The following THSD1 variants were observed in gnomAD, a reference collection of about 807,000 sequenced individuals.
THSD1 encodes the protein thrombospondin type-1 domain-containing protein 1.
A neutral mutation model predicts 46.3 loss-of-function variants in THSD1; 34 were observed. The observed-to-expected ratio is 0.74, with a 90% CI of 0.56 to 0.98. THSD1 has a LOEUF of 0.98. Among genes scored for constraint, THSD1 ranks in the 50% least tolerant of loss-of-function variants. The probability of loss-of-function intolerance (pLI) is 0.00; values close to 1 mark genes in which losing one functional copy is unlikely to be tolerated. For missense variants in THSD1, 1,023 were observed against 1,058.3 expected (o/e 0.97, Z 0.46); for synonymous variants, 407 against 416.5 (o/e 0.98, Z 0.28).
intron 1 of THSD1, among the ~76,000 whole-genome samples, chr13:52,403,230 T>TA (rs539511489): frequency 2.0e-5 from 3 of 152,058 alleles, no homozygotes; most frequent in South Asian, 4.2e-4. Flanking sequence ...AAAGCTTTTT[T>TA]AAAAAAAAGA....
chr13:52,395,693 T>C (rs1405240127), intron 3 of THSD1, among the ~76,000 whole-genome samples: 1 of 150,966 alleles, frequency 6.6e-6, no homozygotes, highest in Non-Finnish European at 1.5e-5. Flanking sequence ...AGCAGGGAGG[T>C]GGGAGGTGAG....
intron 3 of THSD1, among the ~76,000 whole-genome samples, chr13:52,390,934 G>A (rs1318963009): frequency 2.0e-5 from 3 of 151,950 alleles, no homozygotes; most frequent in Non-Finnish European, 4.4e-5. Flanking sequence ...ATTTAAAAAA[G>A]TATATTTGTT....
Position 52,386,183 on chromosome 13 carries a change from G to A in THSD1, c.1025C>T (p.Thr342Ile). The A allele has an allele frequency of 6.2e-7, 1 of 1,613,926 alleles. No individual in the cohort carries two copies. The highest frequency in any genetic ancestry group is 1.3e-5 in the African/African-American group (1 of 75,018). The change falls in exon 4 of 5, where the codon ACT becomes ATT. Residue 342 changes from threonine to isoleucine, a missense_variant. Transcript: ENST00000258613. ...ECMLIQRNTE[T>I]WGLWQPWSQC... is the part of the protein sequence containing the mutation. ...GCTCCATGGCTGCCACAGTCCCCAA[G>A]TTTCTGCAAGGATATAAGTTATGCT...
intron 4 of THSD1, among the ~76,000 whole-genome samples, chr13:52,385,650 G>T (rs2137730195): frequency 6.6e-6 from 1 of 152,072 alleles, no homozygotes; most frequent in African/African-American, 2.4e-5. Context: ...AAAAATTAAG[G>T]AAAACTGTTT....
At chr13:52,403,657 A>G (rs934985761) in intron 1 of THSD1, among the ~76,000 whole-genome samples, 2 of 151,914 alleles carry the variant, frequency 1.3e-5, no homozygotes, top group African/African-American at 4.8e-5. Context: ...AATTTTTGGT[A>G]TTTTTAGTAG....
In THSD1 at chr13:52,378,102, G is replaced by A. The variant is rs1957652642; in HGVS notation, c.1868C>T (p.Thr623Ile). 6.2e-7 allele frequency: 1 copy of A among 1,614,228 alleles called. No homozygotes were observed. The highest frequency in any genetic ancestry group is 8.5e-7 in the Non-Finnish European group (1 of 1,180,044). ...QASCAISPSQ[T>I]LIRKSQARHV... ...CCTTGCCTGTGACTTGCGGATCAGA[G>A]TCTGGCTGGGGCTTATGGCACAACT... The change falls in exon 5 of 5, where the codon ACT (threonine) becomes ATT (isoleucine). Residue 623 changes from threonine (T) to isoleucine (I), a missense_variant. By Grantham distance (89) the Thr-to-Ile change is moderately conservative (BLOSUM62 -1). Around this residue, in one of 3 missense-constraint regions of THSD1, gnomAD observed 578 missense variants for 497.4 expected, o/e 1.16. Transcript: ENST00000258613.
In THSD1 at chr13:52,388,234, A is replaced by G. The variant is rs56116089; in HGVS notation, c.1022-2048T>C. 7.0e-3 allele frequency among the ~76,000 whole-genome samples: 1,071 copies of G among 151,928 alleles called. 13 individuals are homozygous for G. Among genetic ancestry groups the G allele is most frequent in the African/African-American group, 0.025 (1,029 of 41,498 alleles). ...TATTTCAAAAATAAAGGAGAAATAA[A>G]GACTTTTTCAGAAAAACAAAAATGG... On this transcript the variant is annotated intron_variant, in intron 3 of 4. Transcript: ENST00000258613.
intron 4 of THSD1, 78 bp downstream of exon 4, chr13:52,385,950 C>G: frequency 7.2e-7 from 1 of 1,392,708 alleles, no homozygotes; most frequent in Non-Finnish European, 9.9e-7. Flanking sequence ...ACTGGTAACT[C>G]TCAGGCAGGC....
At chr13:52,398,918 C>A (rs769453215) in intron 2 of THSD1, among the ~76,000 whole-genome samples, 1 of 152,008 alleles carries the variant, frequency 6.6e-6, no homozygotes, top group Admixed American at 6.6e-5. Context: ...AATGTAAGAC[C>A]CTAAATTTAT....
intron 1 of THSD1, among the ~76,000 whole-genome samples, chr13:52,405,074 A>T (rs1309017388): frequency 6.6e-6 from 1 of 152,236 alleles, no homozygotes; most frequent in African/African-American, 2.4e-5. Context: ...GTTTGCATTG[A>T]GAATTGTTCT....
Position 52,397,783 on chromosome 13 carries a change from G to A in THSD1, c.470C>T (p.Pro157Leu), listed in dbSNP as rs377383416. Residue 157 changes from proline to leucine, a missense_variant, in exon 3 of 5, where the codon CCG becomes CTG. Pro to Leu is a moderately conservative substitution (Grantham distance 98). Coordinates refer to ENST00000258613, the MANE Select transcript of THSD1 (RefSeq NM_018676.4). ...VGLFTSQPLCPFPVDKPNIVV... is the reference protein window; with the variant it reads ...VGLFTSQPLCLFPVDKPNIVV... ...GATGTTGGGCTTGTCCACAGGAAAC[G>A]GGCACAGTGGTTGACTGGTAAATAG... 4.3e-6 allele frequency: 7 copies of A among 1,614,094 alleles called. No individual in the cohort carries two copies. The highest frequency in any genetic ancestry group is 3.3e-5 in the Admixed American group (2 of 60,012).
At position 52,397,528 on chromosome 13, in the gene THSD1, T is replaced by C. The variant is rs1315050783; in HGVS notation, c.725A>G (p.Tyr242Cys). 3.7e-6 allele frequency: 6 copies of C among 1,614,132 alleles called. No individual in the cohort carries two copies. The highest frequency in any genetic ancestry group is 5.1e-6 in the Non-Finnish European group (6 of 1,180,028). Residue 242 changes from tyrosine (Y) to cysteine (C), a missense_variant, in exon 3 of 5, where the codon TAC becomes TGC. Physicochemically the swap from Tyr to Cys is radical, Grantham distance 194 (BLOSUM62 -2). Around this residue, in one of 3 missense-constraint regions of THSD1, gnomAD observed 429 missense variants for 518.3 expected, o/e 0.83. Transcript: ENST00000258613. Reference protein sequence around the residue: ...GPIDLAQKFGYKLVMVPELTC... With the variant: ...GPIDLAQKFGCKLVMVPELTC... ...GAGTTCTGGCACCATCACCAGTTTG[T>C]ATCCAAATTTCTGGGCCAGGTCAAT...
Position 52,377,736 on chromosome 13 carries a change from G to A in THSD1, c.2234C>T (p.Ala745Val). ...LRKPDLGDHQAGLVAGIERTE... is the reference protein window; with the variant it reads ...LRKPDLGDHQVGLVAGIERTE... ...TCTCTCAATTCCGGCCACTAATCCT[G>A]CCTGGTGATCCCCAAGGTCTGGTTT... is the stretch of plus-strand genomic sequence containing the variant. The change falls in exon 5 of 5, where the codon GCA (alanine) becomes GTA (valine). Residue 745 changes from alanine to valine, a missense_variant. Physicochemically the swap from Ala to Val is moderately conservative, Grantham distance 64. Around this residue, in one of 3 missense-constraint regions of THSD1, gnomAD observed 578 missense variants for 497.4 expected, o/e 1.16. Transcript: ENST00000258613. 6.2e-7 allele frequency: 1 copy of A among 1,613,640 alleles called. No homozygotes were observed. Among genetic ancestry groups the A allele is most frequent in the East Asian group, 2.2e-5 (1 of 44,860 alleles).
In THSD1 at chr13:52,386,051, A is replaced by G. The variant is rs764229517; in HGVS notation, c.1157T>C (p.Leu386Pro). ...ACCAGCACACTCCTCCAGGGAACACAGGGAGGCCTCCAAGGACATTCCAGG... is the reference window on the plus strand; with the variant it reads ...ACCAGCACACTCCTCCAGGGAACACGGGGAGGCCTCCAAGGACATTCCAGG... ...VCPGMSLEASLCSLEECAAFQ... is the reference protein window; with the variant it reads ...VCPGMSLEASPCSLEECAAFQ... The change falls in exon 4 of 5, where the codon CTG becomes CCG. Residue 386 changes from leucine to proline, a missense_variant. Leu to Pro is a moderately conservative substitution (Grantham distance 98). Coordinates refer to ENST00000258613, the MANE Select transcript of THSD1 (RefSeq NM_018676.4). 11 of 1,613,902 alleles carry G rather than the reference A, an allele frequency of 6.8e-6. No homozygotes were observed. Among genetic ancestry groups the G allele is most frequent in the Non-Finnish European group, 9.3e-6 (11 of 1,179,966 alleles).
chr13:52,395,672 G>A (rs1367812007), intron 3 of THSD1, among the ~76,000 whole-genome samples: 2 of 152,140 alleles, frequency 1.3e-5, no homozygotes, highest in African/African-American at 4.8e-5. Context: ...CAAGGAGACT[G>A]TGAAGAAGCA....
At chr13:52,394,438 AC>A (rs1957797039) in intron 3 of THSD1, among the ~76,000 whole-genome samples, 1 of 151,906 alleles carries the variant, frequency 6.6e-6, no homozygotes, top group Non-Finnish European at 1.5e-5. Context: ...ACATGGCAAA[AC>A]CCCGTCTCTA....
intron 4 of THSD1, among the ~76,000 whole-genome samples, chr13:52,382,252 C>T (rs1957698804): frequency 6.6e-6 from 1 of 152,146 alleles, no homozygotes; most frequent in Non-Finnish European, 1.5e-5. Flanking sequence ...TCACAGTTCA[C>T]ACAGTTGCCA....
At chr13:52,380,111 C>G (rs1306927427) in intron 4 of THSD1, among the ~76,000 whole-genome samples, 1 of 152,094 alleles carries the variant, frequency 6.6e-6, no homozygotes, top group African/African-American at 2.4e-5. Flanking sequence ...CTTTTTCCCT[C>G]CTCAAACTGG....
At chr13:52,386,663 A>G (rs1957732931) in intron 3 of THSD1, among the ~76,000 whole-genome samples, 1 of 152,146 alleles carries the variant, frequency 6.6e-6, no homozygotes, top group Non-Finnish European at 1.5e-5. Context: ...CTCATCAAAT[A>G]CAAGAAGCAC....
Sources: gnomAD v4.1 joint callset for allele counts (sites outside exome capture counted in the v4.1 genomes callset) on GRCh38, gnomAD v4.1.1 for gene constraint, gnomAD v4.1.1 regional missense constraint, MANE v1.5 for transcripts, NCBI Gene and HGNC (gene_info 2026-07-23, HGNC 2026-07-21) for gene names.